The following KIZ variants were observed in gnomAD, a reference collection of about 807,000 sequenced individuals.
KIZ encodes kizuna centrosomal protein, also known as centrosomal protein kizuna.
A neutral mutation model predicts 79.6 loss-of-function variants in KIZ; 68 were observed. The ratio of observed to expected loss-of-function variants is 0.85; its 90% confidence interval spans 0.70 to 1.05. KIZ has a LOEUF of 1.05. Ranked by LOEUF, KIZ falls within the 50% of genes least tolerant of loss-of-function variation. The pLI is 0.00. For synonymous variants in KIZ, 280 were observed against 281.8 expected (o/e 0.99, Z 0.06); for missense variants, 797 against 800.4 (o/e 1.00, Z 0.05).
chr20:21,139,433 T>C (rs1050284869), intron 3 of KIZ, among the ~76,000 whole-genome samples: 5 of 152,190 alleles, frequency 3.3e-5, no homozygotes, highest in Non-Finnish European at 7.3e-5. Flanking sequence ...ATTTTTTCTT[T>C]TAGTATTCAT....
At chr20:21,237,206 G>A (rs370250479) in intron 11 of KIZ, among the ~76,000 whole-genome samples, 1 of 150,876 alleles carries the variant, frequency 6.6e-6, no homozygotes, top group South Asian at 2.1e-4. Flanking sequence ...GGAGGCTGAG[G>A]CAGGAGAATC....
At chr20:21,233,701 A>G (rs1286097999) in intron 11 of KIZ, among the ~76,000 whole-genome samples, 1 of 152,204 alleles carries the variant, frequency 6.6e-6, no homozygotes, top group Admixed American at 6.5e-5. Flanking sequence ...AGAGAAAATG[A>G]TTTGAACCAG....
intron 2 of KIZ, chr20:21,132,853 C>A (rs2031939666): frequency 1.3e-5 from 2 of 152,180 alleles, no homozygotes; most frequent in African/African-American, 4.8e-5. Context: ...TTTCAAGGTA[C>A]TACTGTAGGC....
rs185478343 is a variant in KIZ at position 21,229,160 on chromosome 20, G to T, written c.1783+45G>T. On this transcript the variant is annotated intron_variant, in intron 10 of 12. Transcript: ENST00000619189. The stretch of plus-strand genomic sequence containing the variant: ...AGTGTCCAGGGGCCCAGAGTGGCAG[G>T]CAGGGCTGTGTTCGGGGAAGGGTGG... 2.0e-5 allele frequency: 23 copies of T among 1,122,168 alleles called. No individual in the cohort carries two copies. The Admixed American group carries it at 3.5e-4, about 17-fold the overall frequency. 69.5% of individuals were successfully genotyped at this position (1,122,168 alleles called of 1,614,324 possible). A position where few individuals can be genotyped will look rare whatever the true frequency, so the allele number is the denominator to read the frequency against.
At chr20:21,167,114 A>C (rs1445885097) in intron 6 of KIZ, among the ~76,000 whole-genome samples, 1 of 152,180 alleles carries the variant, frequency 6.6e-6, no homozygotes, top group Non-Finnish European at 1.5e-5. Flanking sequence ...CAGACACCTT[A>C]ATTTCAGCCT....
intron 10 of KIZ, among the ~76,000 whole-genome samples, chr20:21,229,511 C>T (rs189554223): frequency 6.6e-6 from 1 of 152,170 alleles, no homozygotes; most frequent in Non-Finnish European, 1.5e-5. Context: ...ATTTTGAGTT[C>T]TTTTACTGAA....
intron 1 of KIZ, 133 bp downstream of exon 1, chr20:21,126,337 TC>T: frequency 1.8e-6 from 1 of 546,566 alleles, no homozygotes; most frequent in Non-Finnish European, 3.0e-6. Flanking sequence ...CCCCCCAGGC[TC>T]CCAGTGGGGC....
At chr20:21,243,624 C>T (rs1467117526) in intron 11 of KIZ, among the ~76,000 whole-genome samples, 1 of 152,194 alleles carries the variant, frequency 6.6e-6, no homozygotes, top group African/African-American at 2.4e-5. Context: ...CCTGAAAAGG[C>T]ACACAGAGAA....
At chr20:21,242,734 T>G (rs1334408017) in intron 11 of KIZ, among the ~76,000 whole-genome samples, 1 of 152,084 alleles carries the variant, frequency 6.6e-6, no homozygotes, top group Non-Finnish European at 1.5e-5. Flanking sequence ...AGGGGCTCCC[T>G]GCTGCCCCAC....
At chr20:21,221,785 T>C (rs767964499) in intron 9 of KIZ, among the ~76,000 whole-genome samples, 3 of 152,172 alleles carry the variant, frequency 2.0e-5, no homozygotes, top group Non-Finnish European at 4.4e-5. Context: ...TGGAAAGATA[T>C]AGTGGCTAGG....
Position 21,205,546 on chromosome 20 carries a change from G to T in KIZ, c.1408G>T (p.Ala470Ser). 6.4e-7 allele frequency: 1 copy of T among 1,566,948 alleles called. No individual in the cohort carries two copies. Among genetic ancestry groups the T allele is most frequent in the African/African-American group, 1.4e-5 (1 of 73,856 alleles). ...VPRAQVGQHV[A>S]TLKEHDNSVK... ...GAGGGCACAGGTGGGTCAGCATGTT[G>T]CCACCTTGAAAGAACATGATAATTC... The change falls in exon 7 of 13, where the codon GCC becomes TCC. Residue 470 changes from alanine to serine, a missense_variant. By Grantham distance (99) the Ala-to-Ser change is moderately conservative. Transcript: ENST00000619189.
chr20:21,213,302 T>G (rs1472063287), intron 7 of KIZ, among the ~76,000 whole-genome samples: 4 of 152,260 alleles, frequency 2.6e-5, no homozygotes, highest in African/African-American at 9.6e-5. Flanking sequence ...GGACCTTCCA[T>G]GCTCTGACTC....
chr20:21,163,933 G>A (rs1172670959), intron 6 of KIZ, among the ~76,000 whole-genome samples: 2 of 152,170 alleles, frequency 1.3e-5, no homozygotes, highest in African/African-American at 4.8e-5. Flanking sequence ...TCTTTTAGGG[G>A]TAGAAGGAAC....
At chr20:21,181,882 A>G (rs2034670554) in intron 6 of KIZ, among the ~76,000 whole-genome samples, 1 of 152,198 alleles carries the variant, frequency 6.6e-6, no homozygotes, top group African/African-American at 2.4e-5. Flanking sequence ...ATGCTTAAAC[A>G]AGAAGTGCAT....
chr20:21,176,062 C>A (rs905380569), intron 6 of KIZ, among the ~76,000 whole-genome samples: 5 of 152,168 alleles, frequency 3.3e-5, no homozygotes, highest in Admixed American at 3.3e-4. Context: ...ATAATCTCAG[C>A]ACTTTGGGAG....
At chr20:21,161,727 G>T (rs2033667619) in intron 4 of KIZ, 144 bp from the exon 5 acceptor site, 1 of 574,806 alleles carries the variant, frequency 1.7e-6, no homozygotes, top group Admixed American at 3.3e-5. Flanking sequence ...TATGTAGGAA[G>T]CCATGAGTTT....
intron 6 of KIZ, among the ~76,000 whole-genome samples, chr20:21,190,134 A>G (rs908427002): frequency 1.3e-5 from 2 of 152,202 alleles, no homozygotes; most frequent in Admixed American, 1.3e-4. Context: ...AGTCGCTTCC[A>G]GTTTATTTTC....
At chr20:21,127,564 A>G (rs1259505960) in intron 1 of KIZ, among the ~76,000 whole-genome samples, 1 of 152,228 alleles carries the variant, frequency 6.6e-6, no homozygotes, top group Non-Finnish European at 1.5e-5. Context: ...TGTGAATCAA[A>G]TTTTATAGCC....
chr20:21,205,744 C>T lies in KIZ; in HGVS notation c.1446+160C>T, dbSNP rs142435446. On this transcript the variant is annotated intron_variant, in intron 7 of 12. Transcript: ENST00000619189. The stretch of plus-strand genomic sequence containing the variant: ...TTTGGATGCTGAGGCAGGTGGATCA[C>T]GCGGTCAAGAGATCGAGACCATTCT... 4.1e-3 allele frequency among the ~76,000 whole-genome samples: 619 copies of T among 151,828 alleles called. 7 individuals carry two copies. The highest frequency in any genetic ancestry group is 0.015 in the African/African-American group (603 of 41,416).
Sources: gnomAD v4.1 joint callset for allele counts (sites outside exome capture counted in the v4.1 genomes callset) on GRCh38, gnomAD v4.1.1 for gene constraint, MANE v1.5 for transcripts, NCBI Gene and HGNC (gene_info 2026-07-23, HGNC 2026-07-21) for gene names.